ADAMTS10: variants seen among roughly 807,000 people sequenced by gnomAD.
The protein encoded by ADAMTS10 is A disintegrin and metalloproteinase with thrombospondin motifs 10.
In ADAMTS10, 48 loss-of-function variants were observed where a neutral mutation model predicts 135.9. The observed-to-expected ratio is 0.35, with a 90% CI of 0.28 to 0.45. The LOEUF (loss-of-function observed/expected upper bound fraction) is 0.45, where lower values mean the gene tolerates loss of function less well. ADAMTS10 is among the 20% of genes least tolerant of loss of function. The pLI is 1.00. For missense variants in ADAMTS10, 1,131 were observed against 1,565.2 expected, an observed-to-expected ratio of 0.72 and a Z score of 4.68; for synonymous variants, 621 against 647.5, an observed-to-expected ratio of 0.96 and a Z score of 0.62.
At position 8,596,043 on chromosome 19, in the gene ADAMTS10, G is replaced by C. The variant is rs1555740067; in HGVS notation, c.1337+30C>G. On this transcript the variant is annotated intron_variant, in intron 11 of 25. Transcript: ENST00000597188. The surrounding 1 kb of genome is among the most constrained non-coding windows in gnomAD (Gnocchi z 7.2). ...CCCTGCCCCACCATGAGTGTGACCC[G>C]CTCTGAGGGACACCCAGGTGCATCC... The C allele has an allele frequency of 6.2e-7, 1 of 1,614,008 alleles. No individual in the cohort carries two copies. The highest frequency in any genetic ancestry group is 1.7e-5 in the Admixed American group (1 of 60,018).
intron 1 of ADAMTS10, among the ~76,000 whole-genome samples, chr19:8,609,391 T>C (rs1158244248): frequency 6.6e-6 from 1 of 151,984 alleles, no homozygotes; most frequent in Non-Finnish European, 1.5e-5. Context: ...ACAGAGGCTC[T>C]GTCCCATCCC....
At chr19:8,603,960 G>A in intron 4 of ADAMTS10, 76 bp from the exon 5 acceptor site, 2 of 1,417,358 alleles carry the variant, frequency 1.4e-6, no homozygotes, top group Non-Finnish European at 9.5e-7. Context: ...CCTTCTCTCT[G>A]TCTTTATGAT....
intron 2 of ADAMTS10, among the ~76,000 whole-genome samples, chr19:8,606,014 G>A (rs534944567): frequency 1.3e-5 from 2 of 152,214 alleles, no homozygotes; most frequent in Admixed American, 1.3e-4. Context: ...GACGCTGGGA[G>A]TATCTCCTAT....
intron 18 of ADAMTS10, among the ~76,000 whole-genome samples, chr19:8,587,503 G>A (rs1283399068): frequency 1.4e-5 from 2 of 142,062 alleles, no homozygotes; most frequent in Non-Finnish European, 3.0e-5. Context: ...ATCTCACTCT[G>A]TCACCCAGGT....
chr19:8,586,640 G>C lies in ADAMTS10; in HGVS notation c.2321C>G (p.Thr774Ser). Residue 774 changes from threonine (T) to serine (S), a missense_variant, in exon 20 of 26, where the codon ACC becomes AGC. Physicochemically the swap from Thr to Ser is moderately conservative, Grantham distance 58. This residue lies in a region of ADAMTS10 where 745 missense variants were observed against 1,056.3 expected (regional missense o/e 0.71). Coordinates refer to ENST00000597188, the MANE Select transcript of ADAMTS10 (RefSeq NM_030957.4). ...PQPHRLPLAGTTFQLRQGPDQ... is the reference protein window; with the variant it reads ...PQPHRLPLAGSTFQLRQGPDQ... ...TGGCCCCTGTCGCAGTTGAAAGGTG[G>C]TCCCAGCTAGAGGCAGACGGTGGGG... The C allele has an allele frequency of 6.2e-7, 1 of 1,614,074 alleles. No individual in the cohort carries two copies. Among genetic ancestry groups the C allele is most frequent in the Non-Finnish European group, 8.5e-7 (1 of 1,179,998 alleles).
intron 6 of ADAMTS10, among the ~76,000 whole-genome samples, chr19:8,599,382 G>A (rs1278918835): frequency 6.6e-6 from 1 of 152,078 alleles, no homozygotes; most frequent in Non-Finnish European, 1.5e-5. Flanking sequence ...CCAGGCTGGA[G>A]TGCAATGGTG....
intron 2 of ADAMTS10, among the ~76,000 whole-genome samples, chr19:8,607,813 TC>T (rs2042736926): frequency 7.6e-4 from 109 of 143,060 alleles, no homozygotes; most frequent in African/African-American, 1.9e-3. Context: ...TCTCTCTCTC[TC>T]TCTCTCTTTT....
In ADAMTS10 at chr19:8,601,106, G is replaced by C; in HGVS notation, c.632C>G (p.Thr211Ser). The C allele has an allele frequency of 6.2e-7, 1 of 1,613,970 alleles. No individual in the cohort carries two copies. Among genetic ancestry groups the C allele is most frequent in the Non-Finnish European group, 8.5e-7 (1 of 1,180,030 alleles). Residue 211 changes from threonine (T) to serine (S), a missense_variant, in exon 6 of 26, where the codon ACC (threonine) becomes AGC (serine). Coordinates refer to ENST00000597188, the MANE Select transcript of ADAMTS10 (RefSeq NM_030957.4). This position sits in a 1 kb window ranked among gnomAD's most constrained non-coding sequence, Gnocchi z 4.6. ...GGGCCTGGCAGGCGGTGGCTTCAAG[G>C]TCCGCAGCCACCATGGCCGCCCTTT... The part of the protein sequence containing the change: ...PWKGRPWWLR[T>S]LKPPPARPLG...
At position 8,586,383 on chromosome 19, in the gene ADAMTS10, A is replaced by G. The variant is rs1555737174; in HGVS notation, c.2491T>C (p.Tyr831His). 1 of 1,613,852 alleles carries G rather than the reference A, an allele frequency of 6.2e-7. No homozygotes were observed. The highest frequency in any genetic ancestry group is 1.1e-5 in the South Asian group (1 of 91,082). ...GCCGAGCACTTGGTCCAGGGCGCAT[A>G]GTGCCAGGAGTAGGGGGGCAGCGAG... Reference protein sequence around the residue: ...RDSLPPYSWHYAPWTKCSAQC... With the variant: ...RDSLPPYSWHHAPWTKCSAQC... The change falls in exon 21 of 26, where the codon TAT becomes CAT. Residue 831 changes from tyrosine (Y) to histidine (H), a missense_variant. Transcript: ENST00000597188.
In ADAMTS10 at chr19:8,589,925, G is replaced by A. The variant is rs868976222; in HGVS notation, c.1864C>T (p.Arg622Cys). The A allele has an allele frequency of 1.2e-6, 2 of 1,613,966 alleles. No homozygotes were observed. Among genetic ancestry groups the A allele is most frequent in the African/African-American group, 1.3e-5 (1 of 74,906 alleles). The change falls in exon 16 of 26, where the codon CGT becomes TGT. Residue 622 changes from arginine to cysteine, a missense_variant. Arg to Cys is a radical substitution (Grantham distance 180, BLOSUM62 -3). This residue lies in a region of ADAMTS10 where 745 missense variants were observed against 1,056.3 expected (regional missense o/e 0.71). Transcript: ENST00000597188. ...GTTTTCCACTTGTAGAATTTCCCAC[G>A]GAAAGGGATGCTGTCAAATTCAGAA... is the stretch of plus-strand genomic sequence containing the variant. ...QCSEFDSIPFRGKFYKWKTYR... is the reference protein window; with the variant it reads ...QCSEFDSIPFCGKFYKWKTYR...
chr19:8,592,991 C>A, intron 12 of ADAMTS10, 121 bp from the exon 13 acceptor site: 1 of 893,644 alleles, frequency 1.1e-6, no homozygotes, highest in Non-Finnish European at 1.8e-6. Flanking sequence ...GAGCCCGGTG[C>A]TCCCTTCCTG....
At position 8,596,057 on chromosome 19, in the gene ADAMTS10, C is replaced by T; in HGVS notation, c.1337+16G>A. The T allele has an allele frequency of 1.9e-6, 3 of 1,614,114 alleles. No homozygotes were observed. The highest frequency in any genetic ancestry group is 2.5e-6 in the Non-Finnish European group (3 of 1,180,004). ...GAGTGTGACCCGCTCTGAGGGACAC[C>T]CAGGTGCATCCTCACTCTAGAAAGC... On this transcript the variant is annotated intron_variant, in intron 11 of 25. Transcript: ENST00000597188. The surrounding 1 kb of genome is among the most constrained non-coding windows in gnomAD (Gnocchi z 7.2).
At chr19:8,599,405 A>T (rs535415330) in intron 6 of ADAMTS10, among the ~76,000 whole-genome samples, 1 of 152,112 alleles carries the variant, frequency 6.6e-6, no homozygotes, top group African/African-American at 2.4e-5. Flanking sequence ...ATCTTGGCTC[A>T]CTGCAACCTC....
chr19:8,604,239 T>A (rs1555742054), intron 4 of ADAMTS10, among the ~76,000 whole-genome samples: 2 of 151,006 alleles, frequency 1.3e-5, no homozygotes, highest in Non-Finnish European at 3.0e-5. Flanking sequence ...TTTAATTTAT[T>A]TTTCATAGAG....
At chr19:8,591,434 G>A (rs1225593165) in intron 15 of ADAMTS10, among the ~76,000 whole-genome samples, 1 of 145,012 alleles carries the variant, frequency 6.9e-6, no homozygotes, top group Non-Finnish European at 1.5e-5. Flanking sequence ...CACTCTGATA[G>A]CGTTTTTGTT....
In ADAMTS10 at chr19:8,584,882, G is replaced by A. The variant is rs886054710; in HGVS notation, c.3202+13C>T. On this transcript the variant is annotated intron_variant, in intron 25 of 25. Coordinates refer to ENST00000597188, the MANE Select transcript of ADAMTS10 (RefSeq NM_030957.4). Reference sequence around the variant, plus strand: ...GGACCCTCCTGGCGCACCCTGGCTGGTCACCCACATACCTTCAGGGCCGTC... The same window carrying A: ...GGACCCTCCTGGCGCACCCTGGCTGATCACCCACATACCTTCAGGGCCGTC... 2 of 1,548,768 alleles carry A rather than the reference G, an allele frequency of 1.3e-6. No homozygotes were observed. Among genetic ancestry groups the A allele is most frequent in the South Asian group, 1.2e-5 (1 of 84,006 alleles).
chr19:8,586,353 A>G lies in ADAMTS10; in HGVS notation c.2521T>C (p.Cys841Arg), dbSNP rs886041104. Residue 841 changes from cysteine to arginine, a missense_variant, in exon 21 of 26, where the codon TGT becomes CGT. By Grantham distance (180) the Cys-to-Arg change is radical. Transcript: ENST00000597188. ...CCACCCCCGGCCTCACCGCCTGCAC[A>G]CTGGGCCGAGCACTTGGTCCAGGGC... ...YAPWTKCSAQCAGGSQVQAVE... is the reference protein window; with the variant it reads ...YAPWTKCSAQRAGGSQVQAVE... 6.2e-7 allele frequency: 1 copy of G among 1,613,550 alleles called. No individual in the cohort carries two copies.
rs2042331685 is a variant in ADAMTS10, at chr19:8,580,679, G to A, written c.*214C>T. On this transcript the variant is annotated 3_prime_UTR_variant, in exon 26 of 26. Transcript: ENST00000597188. ...AGGGGGGGTCTCACTATGTGAACTGGAAGGGGCGGATGCTGAAGAGGGGCT... is the reference window on the plus strand; with the variant it reads ...AGGGGGGGTCTCACTATGTGAACTGAAAGGGGCGGATGCTGAAGAGGGGCT... 9.0e-6 allele frequency: 5 copies of A among 558,336 alleles called. No individual in the cohort carries two copies. In the East Asian group the frequency reaches 1.5e-4, roughly 17 times the overall value. The allele number at this position is 558,336 out of a possible 1,614,324, so 34.6% of individuals were successfully genotyped here.
In ADAMTS10 at chr19:8,608,788, C is replaced by G. The variant is rs559978313; in HGVS notation, c.-214-540G>C. ...GCTCCTCCCAAAACCCTCACACCCCCTTCTGTGCTTTGGGCTCAGGTGGGG... is the reference window on the plus strand; with the variant it reads ...GCTCCTCCCAAAACCCTCACACCCCGTTCTGTGCTTTGGGCTCAGGTGGGG... On this transcript the variant is annotated intron_variant, in intron 1 of 25. Coordinates refer to ENST00000597188, the MANE Select transcript of ADAMTS10 (RefSeq NM_030957.4). Among the ~76,000 whole-genome samples, 295 of 152,192 alleles carry G rather than the reference C, an allele frequency of 1.9e-3. 2 individuals are homozygous for G. Among genetic ancestry groups the G allele is most frequent in the African/African-American group, 6.8e-3 (283 of 41,524 alleles).
Sources: allele counts gnomAD v4.1 joint callset (sites outside exome capture counted in the v4.1 genomes callset), GRCh38; gene constraint gnomAD v4.1.1; regional missense constraint gnomAD v4.1.1; non-coding constraint Gnocchi (gnomAD v3.1); transcripts MANE v1.5; gene names NCBI Gene and HGNC (gene_info 2026-07-23, HGNC 2026-07-21).